The following RAD51B variants were observed in gnomAD, a reference collection of about 807,000 sequenced individuals.
RAD51B encodes the protein DNA repair protein RAD51 homolog 2.
RAD51B carries 38 observed loss-of-function variants against 42.2 expected under a neutral mutation model. The ratio of observed to expected loss-of-function variants is 0.90; its 90% CI spans 0.70 to 1.18. RAD51B has a LOEUF of 1.18. RAD51B is among the 50% of genes most tolerant of loss of function. The pLI is 0.00. For missense variants in RAD51B, 373 were observed against 400.7 expected, an observed-to-expected ratio of 0.93 and a Z score of 0.59; for synonymous variants, 154 against 145.2, an observed-to-expected ratio of 1.06 and a Z score of -0.43.
chr14:68,468,038 G>GT (rs74865050), intron 9 of RAD51B, 134 bp from the exon 10 acceptor site: 54,283 of 522,062 alleles, frequency 0.1, no homozygotes, highest in South Asian at 0.16. Context: ...TTATAAAATG[G>GT]TTTTTTTTTT....
intron 5 of RAD51B, among the ~76,000 whole-genome samples, chr14:67,877,723 C>T (rs2042772213): frequency 6.6e-6 from 1 of 152,172 alleles, no homozygotes; most frequent in African/African-American, 2.4e-5. Flanking sequence ...AGTGCAGTGG[C>T]ACAATCATAG....
rs758227425 is a variant in RAD51B at position 68,356,228 on chromosome 14, C to T, written c.854-55196C>T. Among the ~76,000 whole-genome samples the T allele has an allele frequency of 2.6e-5, 4 of 152,110 alleles. No individual in the cohort carries two copies. In the South Asian group the frequency reaches 8.3e-4, roughly 32 times the overall value. ...TGGGCGGATCACAAGGTCAGGAGATCGAGACTATCCTGGCTAACAGGGTGA... is the reference window on the plus strand; with the variant it reads ...TGGGCGGATCACAAGGTCAGGAGATTGAGACTATCCTGGCTAACAGGGTGA... On this transcript the variant is annotated intron_variant, in intron 8 of 10. Coordinates refer to ENST00000471583, the MANE Select transcript of RAD51B (RefSeq NM_133510.4).
At chr14:68,149,880 G>A (rs2588826) in intron 7 of RAD51B, 121,346 of 152,222 alleles carry the variant, frequency 0.8, 48,826 homozygotes, top group East Asian at 0.98. Context: ...CAATAGCTGG[G>A]ACTACAAGTG....
intron 8 of RAD51B, among the ~76,000 whole-genome samples, chr14:68,356,320 A>T (rs990376417): frequency 6.6e-6 from 1 of 151,626 alleles, no homozygotes; most frequent in Non-Finnish European, 1.5e-5. Context: ...CTGTGGTCCC[A>T]GCTACTCCGG....
chr14:68,332,000 A>G (rs936097676), intron 8 of RAD51B, among the ~76,000 whole-genome samples: 4 of 152,230 alleles, frequency 2.6e-5, no homozygotes, highest in African/African-American at 9.6e-5. Context: ...TTAGAAAACC[A>G]AGCAAGCAAG....
At chr14:67,878,136 A>T (rs535901258) in intron 5 of RAD51B, among the ~76,000 whole-genome samples, 1 of 152,242 alleles carries the variant, frequency 6.6e-6, no homozygotes, top group Non-Finnish European at 1.5e-5. Flanking sequence ...TCCATTAAGG[A>T]TATATTTTAA....
chr14:68,590,698 A>G (rs1436483456), intron 10 of RAD51B, among the ~76,000 whole-genome samples: 1 of 152,076 alleles, frequency 6.6e-6, no homozygotes, highest in African/African-American at 2.4e-5. Flanking sequence ...TACCCACAAG[A>G]GGCCATCTAA....
intron 7 of RAD51B, among the ~76,000 whole-genome samples, chr14:67,984,173 G>A (rs950631880): frequency 6.6e-5 from 10 of 152,186 alleles, no homozygotes; most frequent in South Asian, 2.1e-4. Flanking sequence ...TCTTGACCTC[G>A]TGATCTGCCT....
At chr14:68,448,862 G>T (rs573541570) in intron 9 of RAD51B, among the ~76,000 whole-genome samples, 12 of 151,706 alleles carry the variant, frequency 7.9e-5, no homozygotes, top group African/African-American at 2.9e-4. Context: ...ATTCTGAAAT[G>T]GAAAACAAAA....
chr14:68,261,666 G>A (rs1047044598), intron 7 of RAD51B, among the ~76,000 whole-genome samples: 13 of 152,072 alleles, frequency 8.5e-5, no homozygotes, highest in African/African-American at 2.4e-4. Flanking sequence ...TTTTGACCGC[G>A]TAAAATTTGC....
intron 7 of RAD51B, among the ~76,000 whole-genome samples, chr14:68,264,228 C>T (rs1233037414): frequency 6.6e-6 from 1 of 152,202 alleles, no homozygotes; most frequent in African/African-American, 2.4e-5. Context: ...AGCTGGTACT[C>T]AGGGGTAGGG....
intron 7 of RAD51B, among the ~76,000 whole-genome samples, chr14:68,217,004 G>A (rs143984737): frequency 1.4e-4 from 21 of 152,210 alleles, no homozygotes; most frequent in African/African-American, 3.4e-4. Flanking sequence ...CTTCTATTCC[G>A]TTTCTCCCCA....
intron 7 of RAD51B, among the ~76,000 whole-genome samples, chr14:67,921,950 G>A (rs940981258): frequency 6.6e-5 from 10 of 152,220 alleles, no homozygotes; most frequent in South Asian, 2.1e-4. Context: ...AGTTCCTGCC[G>A]TGTGCTCTGA....
At chr14:68,327,588 C>A (rs751531500) in intron 8 of RAD51B, among the ~76,000 whole-genome samples, 1 of 151,924 alleles carries the variant, frequency 6.6e-6, no homozygotes, top group Non-Finnish European at 1.5e-5. Context: ...GACCATATTA[C>A]CCAATGAGGT....
chr14:68,399,500 A>G (rs1479042704), intron 8 of RAD51B, among the ~76,000 whole-genome samples: 6 of 151,568 alleles, frequency 4.0e-5, no homozygotes, highest in Non-Finnish European at 8.8e-5. Context: ...TTCATGATCC[A>G]CCCGCCTTGG....
chr14:68,179,092 AC>A (rs147180122), intron 7 of RAD51B, among the ~76,000 whole-genome samples: 2,205 of 152,188 alleles, frequency 0.014, 63 homozygotes, highest in African/African-American at 0.051. Flanking sequence ...GTACTCTAAA[AC>A]CCTTTCTTCC....
intron 7 of RAD51B, among the ~76,000 whole-genome samples, chr14:68,277,569 T>C (rs1052669916): frequency 3.9e-5 from 6 of 152,228 alleles, no homozygotes; most frequent in Admixed American, 1.3e-4. Context: ...ATATACCTTA[T>C]TGATGTTGAT....
chr14:68,437,847 A>G (rs992401686), intron 9 of RAD51B, among the ~76,000 whole-genome samples: 2 of 152,048 alleles, frequency 1.3e-5, no homozygotes, highest in African/African-American at 4.8e-5. Flanking sequence ...ATGGCCAGAG[A>G]AGGATTCAGA....
chr14:68,363,045 G>C (rs1308460179), intron 8 of RAD51B, among the ~76,000 whole-genome samples: 1 of 148,684 alleles, frequency 6.7e-6, no homozygotes, highest in Non-Finnish European at 1.5e-5. Context: ...AATAGGCGGA[G>C]CCTTTGTGCA....
Sources: allele counts gnomAD v4.1 joint callset (sites outside exome capture counted in the v4.1 genomes callset), GRCh38; gene constraint gnomAD v4.1.1; transcripts MANE v1.5; gene names NCBI Gene and HGNC (gene_info 2026-07-23, HGNC 2026-07-21).